Variants in FAM120B observed in about 807,000 individuals in gnomAD.
FAM120B encodes family with sequence similarity 120 member B.
FAM120B carries 83 observed loss-of-function variants against 96.3 expected under a neutral mutation model. The observed-to-expected ratio is 0.86, with a 90% CI of 0.72 to 1.03. The LOEUF (loss-of-function observed/expected upper bound fraction) is 1.03. Among genes scored for constraint, FAM120B ranks in the 50% least tolerant of loss-of-function variants. FAM120B has a pLI of 0.00. For missense variants in FAM120B, 1,027 were observed against 1,121.2 expected (o/e 0.92, Z 1.20); for synonymous variants, 407 against 402.7 (o/e 1.01, Z -0.13).
rs1785087834 is a variant in FAM120B, at chr6:170,318,691, G to A, written c.1301G>A (p.Arg434Lys). Residue 434 changes from arginine (R) to lysine (K), a missense_variant, in exon 2 of 11, where the codon AGG becomes AAG. Physicochemically the swap from Arg to Lys is conservative, Grantham distance 26 (BLOSUM62 2). Transcript: ENST00000476287. ...EVPMYTDSEP[R>K]QEVPMYTDSE... Reference sequence around the variant, plus strand: ...CCCATGTATACAGACTCTGAACCCAGGCAAGAAGTTCCCATGTATACAGAC... The same window carrying A: ...CCCATGTATACAGACTCTGAACCCAAGCAAGAAGTTCCCATGTATACAGAC... 6.3e-7 allele frequency: 1 copy of A among 1,593,344 alleles called. No individual in the cohort carries two copies. Among genetic ancestry groups the A allele is most frequent in the Non-Finnish European group, 8.6e-7 (1 of 1,168,926 alleles).
Position 170,404,619 on chromosome 6 carries a change from A to T in FAM120B, c.*11+18A>T, listed in dbSNP as rs1417518934. On this transcript the variant is annotated intron_variant, in intron 10 of 10. Transcript: ENST00000476287. ...ACCTCCAGGTAAGTTCATCACCTGCATCTCCAGAAGAAATCAGTCACATGT... is the reference window on the plus strand; with the variant it reads ...ACCTCCAGGTAAGTTCATCACCTGCTTCTCCAGAAGAAATCAGTCACATGT... 1 of 1,587,116 alleles carries T rather than the reference A, an allele frequency of 6.3e-7. No individual in the cohort carries two copies. The highest frequency in any genetic ancestry group is 8.7e-7 in the Non-Finnish European group (1 of 1,155,616).
At chr6:170,325,422 CT>C (rs1469321004) in intron 3 of FAM120B, among the ~76,000 whole-genome samples, 9 of 151,408 alleles carry the variant, frequency 5.9e-5, no homozygotes, top group African/African-American at 2.2e-4. Flanking sequence ...TCCGTTTTGC[CT>C]TTTGTTCTTT....
At chr6:170,369,891 T>G (rs1032222364) in intron 6 of FAM120B, among the ~76,000 whole-genome samples, 1 of 152,204 alleles carries the variant, frequency 6.6e-6, no homozygotes. Flanking sequence ...GTCAGTTTGC[T>G]GAATATGTCC....
At chr6:170,367,440 C>T (rs1216042406) in intron 6 of FAM120B, among the ~76,000 whole-genome samples, 1 of 152,266 alleles carries the variant, frequency 6.6e-6, no homozygotes, top group Admixed American at 6.5e-5. Context: ...CATGCTCAGT[C>T]ATTTGCAGCT....
chr6:170,335,664 C>T (rs1294808036), intron 4 of FAM120B, among the ~76,000 whole-genome samples: 1 of 152,190 alleles, frequency 6.6e-6, no homozygotes, highest in Non-Finnish European at 1.5e-5. Flanking sequence ...AATTTACAGT[C>T]CCATCAGCAG....
intron 6 of FAM120B, among the ~76,000 whole-genome samples, chr6:170,359,301 T>C (rs1405060629): frequency 1.3e-5 from 2 of 151,164 alleles, no homozygotes; most frequent in African/African-American, 2.4e-5. Context: ...GCTGAGGCAA[T>C]AGAATCGCTT....
At position 170,318,987 on chromosome 6, in the gene FAM120B, C is replaced by A; in HGVS notation, c.1597C>A (p.Pro533Thr). 2 of 1,614,134 alleles carry A rather than the reference C, an allele frequency of 1.2e-6. No individual in the cohort carries two copies. Among genetic ancestry groups the A allele is most frequent in the Non-Finnish European group, 1.7e-6 (2 of 1,180,014 alleles). The change falls in exon 2 of 11, where the codon CCT becomes ACT. Residue 533 changes from proline (P) to threonine (T), a missense_variant. By Grantham distance (38) the Pro-to-Thr change is conservative (BLOSUM62 -1). Around this residue, in one of 3 missense-constraint regions of FAM120B, gnomAD observed 880 missense variants for 980.9 expected, o/e 0.90. Transcript: ENST00000476287. ...CTHAEINQKL[P>T]VATDFEFKLE... ...ACACGCTGAAATCAATCAAAAATTA[C>A]CTGTAGCAACAGATTTTGAATTTAA...
At chr6:170,293,024 G>A (rs1006876915), upstream of FAM120B, among the ~76,000 whole-genome samples, 2 of 152,154 alleles carry the variant, frequency 1.3e-5, no homozygotes, top group Non-Finnish European at 2.9e-5. Flanking sequence ...ATAGGGACTT[G>A]CTGTCGCCAC....
Position 170,394,701 on chromosome 6 carries a change from G to A in FAM120B, c.2600-786G>A, listed in dbSNP as rs969302142. Among the ~76,000 whole-genome samples the A allele has an allele frequency of 3.3e-5, 5 of 151,936 alleles. 2 individuals carry two copies. Among genetic ancestry groups the A allele is most frequent in the African/African-American group, 1.2e-4 (5 of 41,368 alleles). ...CCGCAGCATGTCAGCACAAGGCCAT[G>A]CCTCCGTGGACACCGCAGCATGTCC... On this transcript the variant is annotated intron_variant, in intron 8 of 10. Coordinates refer to ENST00000476287, the MANE Select transcript of FAM120B (RefSeq NM_032448.3).
intron 9 of FAM120B, among the ~76,000 whole-genome samples, chr6:170,402,026 C>G (rs2115348238): frequency 6.6e-6 from 1 of 152,362 alleles, no homozygotes; most frequent in South Asian, 2.1e-4. Context: ...GCCCTGGGCT[C>G]TGTGGGCCCT....
At chr6:170,371,109 G>T (rs746119440) in intron 6 of FAM120B, among the ~76,000 whole-genome samples, 4 of 152,134 alleles carry the variant, frequency 2.6e-5, no homozygotes, top group Non-Finnish European at 5.9e-5. Context: ...ACCTCAAAAA[G>T]AAACCTCTAC....
chr6:170,331,925 C>T (rs1161712328), intron 4 of FAM120B, among the ~76,000 whole-genome samples: 2 of 152,242 alleles, frequency 1.3e-5, no homozygotes, highest in Non-Finnish European at 1.5e-5. Flanking sequence ...TGGAGGGCCA[C>T]GTCTCAAACA....
intron 8 of FAM120B, among the ~76,000 whole-genome samples, chr6:170,391,945 A>G (rs1790503788): frequency 6.6e-6 from 1 of 152,132 alleles, no homozygotes; most frequent in Admixed American, 6.5e-5. Context: ...GTTCTTCTTA[A>G]ACAACGGCCA....
chr6:170,381,511 C>T (rs1412911872), intron 6 of FAM120B, among the ~76,000 whole-genome samples: 1 of 151,980 alleles, frequency 6.6e-6, no homozygotes, highest in Non-Finnish European at 1.5e-5. Flanking sequence ...AGAAGATAGA[C>T]CATTCCCCAG....
chr6:170,357,394 C>G (rs955539396), intron 5 of FAM120B, among the ~76,000 whole-genome samples: 1 of 152,152 alleles, frequency 6.6e-6, no homozygotes, highest in African/African-American at 2.4e-5. Flanking sequence ...TCTTCACGCC[C>G]TCTCCTTATC....
intron 6 of FAM120B, among the ~76,000 whole-genome samples, chr6:170,359,896 A>G (rs185073523): frequency 6.6e-6 from 1 of 152,172 alleles, no homozygotes; most frequent in Non-Finnish European, 1.5e-5. Context: ...ACAGAATTTT[A>G]AAATGTTAAT....
rs980863915 is a variant in FAM120B at position 170,380,706 on chromosome 6, G to C, written c.2284-7581G>C. On this transcript the variant is annotated intron_variant, in intron 6 of 10. Coordinates refer to ENST00000476287, the MANE Select transcript of FAM120B (RefSeq NM_032448.3). Reference sequence around the variant, plus strand: ...GTTTTAATTGGGTTATTTGTTTTTTGCTGTCGAGTTGTGTGAGTTCCTTAC... The same window carrying C: ...GTTTTAATTGGGTTATTTGTTTTTTCCTGTCGAGTTGTGTGAGTTCCTTAC... Among the ~76,000 whole-genome samples, 10 of 152,100 alleles carry C rather than the reference G, an allele frequency of 6.6e-5. 1 individual carries two copies. Among genetic ancestry groups the C allele is most frequent in the Non-Finnish European group, 1.3e-4 (9 of 68,016 alleles).
chr6:170,397,500 G>A (rs1351702781), intron 9 of FAM120B, among the ~76,000 whole-genome samples: 1 of 152,122 alleles, frequency 6.6e-6, no homozygotes. Flanking sequence ...AGCTCTGTGT[G>A]AATCTGGAGT....
At chr6:170,350,147 G>T (rs1284569043) in intron 5 of FAM120B, among the ~76,000 whole-genome samples, 2 of 152,150 alleles carry the variant, frequency 1.3e-5, no homozygotes, top group African/African-American at 4.8e-5. Flanking sequence ...GGGATCCCTG[G>T]CAAGACAAGA....
Sources: gnomAD v4.1 joint callset for allele counts (sites outside exome capture counted in the v4.1 genomes callset) on GRCh38, gnomAD v4.1.1 for gene constraint, gnomAD v4.1.1 regional missense constraint, MANE v1.5 for transcripts, NCBI Gene and HGNC (gene_info 2026-07-23, HGNC 2026-07-21) for gene names.